ADGRB3: variants seen among roughly 807,000 people sequenced by gnomAD.
ADGRB3 encodes the protein adhesion G protein-coupled receptor B3, also known as brain-specific angiogenesis inhibitor 3.
A neutral mutation model predicts 193.4 loss-of-function variants in ADGRB3; 37 were observed. The observed-to-expected ratio is 0.19, with a 90% CI of 0.15 to 0.25. The LOEUF (loss-of-function observed/expected upper bound fraction) is 0.25. ADGRB3 is among the 10% of genes least tolerant of loss of function. The probability of loss-of-function intolerance (pLI) is 1.00; values close to 1 mark genes in which losing one functional copy is unlikely to be tolerated. For missense variants in ADGRB3, 1,637 were observed against 1,852.9 expected (o/e 0.88, Z 2.14); for synonymous variants, 690 against 644.2 (o/e 1.07, Z -1.08).
intron 3 of ADGRB3, among the ~76,000 whole-genome samples, chr6:68,736,655 G>C (rs1765879412): frequency 6.6e-6 from 1 of 152,042 alleles, no homozygotes; most frequent in Non-Finnish European, 1.5e-5. Context: ...ATGACCAAAA[G>C]AGAATGAAGA....
chr6:69,132,682 A>G (rs995587277), intron 17 of ADGRB3, among the ~76,000 whole-genome samples: 7 of 152,114 alleles, frequency 4.6e-5, no homozygotes, highest in African/African-American at 1.7e-4. Context: ...TTGGAGTTTT[A>G]GTCATAAAGT....
At position 69,332,564 on chromosome 6, in the gene ADGRB3, G is replaced by A. The variant is rs1582638018; in HGVS notation, c.3103-359G>A. On this transcript the variant is annotated intron_variant, in intron 23 of 31. Coordinates refer to ENST00000370598, the MANE Select transcript of ADGRB3 (RefSeq NM_001704.3). ...AGATTCAGAATCTCCTGGCTCATGGGCATAGGGTAAAACTGCTTTAGCCAA... is the reference window on the plus strand; with the variant it reads ...AGATTCAGAATCTCCTGGCTCATGGACATAGGGTAAAACTGCTTTAGCCAA... 4.1e-6 allele frequency: 4 copies of A among 985,384 alleles called. No homozygotes were observed. In the South Asian group the frequency reaches 1.4e-4, roughly 35 times the overall value. The allele number at this position is 985,384 out of a possible 1,614,324, so 61.0% of individuals were successfully genotyped here. A position where few individuals can be genotyped will look rare whatever the true frequency, so the allele number is the denominator to read the frequency against.
At chr6:69,153,901 G>A (rs866936742) in intron 17 of ADGRB3, among the ~76,000 whole-genome samples, 45 of 152,112 alleles carry the variant, frequency 3.0e-4, no homozygotes, top group African/African-American at 1.1e-3. Context: ...GCTGAGGCAG[G>A]AGAATGGTGT....
intron 15 of ADGRB3, among the ~76,000 whole-genome samples, chr6:69,060,691 T>A (rs1476139921): frequency 6.6e-6 from 1 of 152,080 alleles, no homozygotes; most frequent in Non-Finnish European, 1.5e-5. Flanking sequence ...GCATCAATAT[T>A]TTTGTTTTGC....
chr6:68,990,495 GACA>G (rs1183156392), intron 10 of ADGRB3, among the ~76,000 whole-genome samples: 2 of 152,084 alleles, frequency 1.3e-5, no homozygotes, highest in Non-Finnish European at 1.5e-5. Context: ...GAGCTGGACT[GACA>G]ACAACTCATT....
intron 3 of ADGRB3, among the ~76,000 whole-genome samples, chr6:68,742,864 A>C (rs1226960318): frequency 1.3e-5 from 2 of 151,886 alleles, no homozygotes; most frequent in African/African-American, 4.8e-5. Context: ...GATACATGTA[A>C]TTTTAATATA....
intron 17 of ADGRB3, among the ~76,000 whole-genome samples, chr6:69,149,958 G>A (rs912864503): frequency 6.7e-6 from 1 of 150,350 alleles, no homozygotes; most frequent in African/African-American, 2.4e-5. Flanking sequence ...GTGTGTGTGT[G>A]TGTGTGTGTG....
intron 3 of ADGRB3, among the ~76,000 whole-genome samples, chr6:68,901,279 C>G (rs1306231833): frequency 6.6e-6 from 1 of 152,108 alleles, no homozygotes; most frequent in East Asian, 1.9e-4. Context: ...CAGGCACACT[C>G]ATGTTGTTAT....
At chr6:69,333,956 TAAAA>T (rs1477444396) in intron 24 of ADGRB3, among the ~76,000 whole-genome samples, 1 of 23,554 alleles carries the variant, frequency 4.2e-5, no homozygotes, top group Non-Finnish European at 7.1e-5. Flanking sequence ...TAAAATAAAA[TAAAA>T]TAAAATAAAA....
At position 69,259,361 on chromosome 6, in the gene ADGRB3, G is replaced by T. The variant is rs566919657; in HGVS notation, c.2814+20135G>T. Among the ~76,000 whole-genome samples, 5 of 152,158 alleles carry T rather than the reference G, an allele frequency of 3.3e-5. No homozygotes were observed. In the South Asian group the frequency reaches 1.0e-3, roughly 32 times the overall value. On this transcript the variant is annotated intron_variant, in intron 20 of 31. Coordinates refer to ENST00000370598, the MANE Select transcript of ADGRB3 (RefSeq NM_001704.3). ...CTACATTTCTTTAATATTTTCTCCC[G>T]TGTTGGTGTTCAATAACACGTAGTT... is the stretch of plus-strand genomic sequence containing the variant.
chr6:68,842,890 A>T (rs1398737584), intron 3 of ADGRB3, among the ~76,000 whole-genome samples: 2 of 152,050 alleles, frequency 1.3e-5, no homozygotes, highest in African/African-American at 2.4e-5. Flanking sequence ...TCAATATGAA[A>T]CATCATATAA....
At chr6:69,084,371 G>A (rs1050061482) in intron 17 of ADGRB3, among the ~76,000 whole-genome samples, 8 of 152,040 alleles carry the variant, frequency 5.3e-5, no homozygotes, top group Non-Finnish European at 8.8e-5. Context: ...ACAAAACAAA[G>A]CAAACTACCA....
At chr6:68,923,208 A>C (rs938827663) in intron 3 of ADGRB3, among the ~76,000 whole-genome samples, 1 of 152,148 alleles carries the variant, frequency 6.6e-6, no homozygotes, top group African/African-American at 2.4e-5. Context: ...ATGGTAAAAC[A>C]TGACCAGAAC....
chr6:68,908,754 A>G (rs9454644), intron 3 of ADGRB3, among the ~76,000 whole-genome samples: 15 of 152,264 alleles, frequency 9.9e-5, no homozygotes, highest in African/African-American at 3.4e-4. Flanking sequence ...ATTTCTATAT[A>G]TTTTTATCTT....
At chr6:68,642,350 A>G (rs1768102531) in intron 3 of ADGRB3, among the ~76,000 whole-genome samples, 1 of 152,130 alleles carries the variant, frequency 6.6e-6, no homozygotes, top group South Asian at 2.1e-4. Flanking sequence ...GTATTATGAC[A>G]TAATATTTGG....
chr6:68,989,872 G>T (rs545092890), intron 10 of ADGRB3, among the ~76,000 whole-genome samples: 1 of 152,196 alleles, frequency 6.6e-6, no homozygotes, highest in African/African-American at 2.4e-5. Flanking sequence ...AAGAGAACCA[G>T]GGAGAAAACA....
chr6:68,808,209 C>A (rs1767443961), intron 3 of ADGRB3, among the ~76,000 whole-genome samples: 1 of 152,058 alleles, frequency 6.6e-6, no homozygotes, highest in Non-Finnish European at 1.5e-5. Context: ...ACAATAGATT[C>A]TGATCTGGTA....
At chr6:68,985,332 G>A (rs1348306787) in intron 10 of ADGRB3, among the ~76,000 whole-genome samples, 1 of 152,162 alleles carries the variant, frequency 6.6e-6, no homozygotes, top group Non-Finnish European at 1.5e-5. Context: ...GCACATTAAA[G>A]TTTGAGAAAC....
At chr6:69,373,302 A>G (rs1769744526) in intron 30 of ADGRB3, among the ~76,000 whole-genome samples, 1 of 151,860 alleles carries the variant, frequency 6.6e-6, no homozygotes, top group South Asian at 2.1e-4. Context: ...CGTGCTAACT[A>G]CTCCTAATTC....
Sources: gnomAD v4.1 joint callset for allele counts (sites outside exome capture counted in the v4.1 genomes callset) on GRCh38, gnomAD v4.1.1 for gene constraint, MANE v1.5 for transcripts, NCBI Gene and HGNC (gene_info 2026-07-23, HGNC 2026-07-21) for gene names.